PHC3: variants seen among roughly 807,000 people sequenced by gnomAD.
The protein encoded by PHC3 is polyhomeotic-like protein 3.
Under a neutral mutation model 107.4 loss-of-function variants are expected in PHC3, and 13 were observed. The ratio of observed to expected loss-of-function variants is 0.12; its 90% CI spans 0.08 to 0.19. The LOEUF (loss-of-function observed/expected upper bound fraction) is 0.19. PHC3 is among the 10% of genes least tolerant of loss of function. The pLI, the probability that PHC3 is intolerant of heterozygous loss-of-function variation, is 1.00. For missense variants in PHC3, 992 were observed against 1,210.9 expected (o/e 0.82, Z 2.68); for synonymous variants, 456 against 427.4 (o/e 1.07, Z -0.83).
chr3:170,112,487 T>G (rs1366845361), intron 11 of PHC3, among the ~76,000 whole-genome samples: 2 of 150,484 alleles, frequency 1.3e-5, no homozygotes, highest in African/African-American at 4.9e-5. Context: ...CCTCCCAAAG[T>G]GCTGGGATTA....
intron 4 of PHC3, among the ~76,000 whole-genome samples, chr3:170,161,009 T>C (rs1032079571): frequency 9.2e-5 from 14 of 152,144 alleles, no homozygotes; most frequent in African/African-American, 2.2e-4. Context: ...AAAACAAACA[T>C]ACAAAAAGAG....
intron 4 of PHC3, among the ~76,000 whole-genome samples, chr3:170,158,503 G>A (rs1287232641): frequency 6.6e-6 from 1 of 152,022 alleles, no homozygotes; most frequent in African/African-American, 2.4e-5. Context: ...TTGGGAGGCT[G>A]AGGCAGGAGA....
intron 4 of PHC3, among the ~76,000 whole-genome samples, chr3:170,158,467 T>C (rs755356806): frequency 6.6e-6 from 1 of 151,968 alleles, no homozygotes; most frequent in South Asian, 2.1e-4. Flanking sequence ...CTGGACATAG[T>C]GGCAGGCACC....
At chr3:170,128,341 T>G in intron 8 of PHC3, 6 of 1,283,928 alleles carry the variant, frequency 4.7e-6, no homozygotes, top group Non-Finnish European at 6.0e-6. Context: ...GATAATCACC[T>G]TAAGAGAAAA....
At chr3:170,155,114 T>C (rs1164529685) in intron 4 of PHC3, among the ~76,000 whole-genome samples, 3 of 152,152 alleles carry the variant, frequency 2.0e-5, no homozygotes, top group Admixed American at 2.0e-4. Context: ...AAGAAACAAG[T>C]CTGCCAGAAA....
chr3:170,099,986 T>C (rs1715215455), intron 14 of PHC3, among the ~76,000 whole-genome samples: 1 of 152,140 alleles, frequency 6.6e-6, no homozygotes, highest in Admixed American at 6.6e-5. Flanking sequence ...AAAATAAGAA[T>C]TATTCCTGTA....
intron 14 of PHC3, among the ~76,000 whole-genome samples, chr3:170,098,885 G>A (rs1266670391): frequency 3.7e-4 from 56 of 152,158 alleles, no homozygotes; most frequent in Non-Finnish European, 8.8e-5. Flanking sequence ...TAGTTGAAAT[G>A]GGATTACTCA....
intron 9 of PHC3, 60 bp from the exon 10 acceptor site, chr3:170,117,536 A>G: frequency 6.6e-7 from 1 of 1,510,910 alleles, no homozygotes; most frequent in Non-Finnish European, 8.9e-7. Context: ...CAAGCAAATG[A>G]AAGAGAATTA....
chr3:170,122,240 A>C lies in PHC3; in HGVS notation c.1942+351T>G, dbSNP rs1201084580. 2.0e-5 allele frequency among the ~76,000 whole-genome samples: 3 copies of C among 152,186 alleles called. No individual in the cohort carries two copies. In the East Asian group the frequency reaches 5.8e-4, roughly 29 times the overall value. ...ACAGAGACTGACCCTGTCTCAAAAA[A>C]CAACCTTAAACTCAAATCTGTATTT... On this transcript the variant is annotated intron_variant, in intron 9 of 14. Transcript: ENST00000495893.
chr3:170,122,792 T>C, intron 8 of PHC3, 48 bp from the exon 9 acceptor site: 1 of 1,576,908 alleles, frequency 6.3e-7, no homozygotes, highest in Non-Finnish European at 8.6e-7. Flanking sequence ...AAACTATATT[T>C]TATCAGGTGT....
intron 7 of PHC3, among the ~76,000 whole-genome samples, chr3:170,134,118 C>T (rs1722680272): frequency 6.6e-6 from 1 of 151,546 alleles, no homozygotes; most frequent in Non-Finnish European, 1.5e-5. Flanking sequence ...TTATGCCATA[C>T]AGAGAGCAGC....
Position 170,091,444 on chromosome 3 carries a change from A to G in PHC3, c.*5786T>C, listed in dbSNP as rs1303541557. The stretch of plus-strand genomic sequence containing the variant: ...GCAGTAGAAACAAAAATATTTTTCA[A>G]AAGTATAAAGCTAGCTAGAACCTCA... On this transcript the variant is annotated 3_prime_UTR_variant, in exon 15 of 15. Coordinates refer to ENST00000495893, the MANE Select transcript of PHC3 (RefSeq NM_024947.4). 3 of 152,210 alleles carry G rather than the reference A, an allele frequency of 2.0e-5. No homozygotes were observed. The highest frequency in any genetic ancestry group is 3.8e-4 in the East Asian group (2 of 5,206). 9.4% of individuals were successfully genotyped at this position (152,210 alleles called of 1,614,324 possible).
rs1417660773 is a variant in PHC3 at position 170,097,792 on chromosome 3, CAA to C, written c.2834-410_2834-409del. 2.6e-5 allele frequency among the ~76,000 whole-genome samples: 4 copies of C among 152,080 alleles called. No homozygotes were observed. The highest frequency in any genetic ancestry group is 5.9e-5 in the Non-Finnish European group (4 of 68,010). On this transcript the variant is annotated intron_variant, in intron 14 of 14. Coordinates refer to ENST00000495893, the MANE Select transcript of PHC3 (RefSeq NM_024947.4). This position sits in a 1 kb window ranked among gnomAD's most constrained non-coding sequence, Gnocchi z 4.1. ...CCTTCACATATAGGTAAAGAGGAAACAAAAATATGTTTTGTCATTTAAATAAC... is the reference window on the plus strand; with the variant it reads ...CCTTCACATATAGGTAAAGAGGAAACAAATATGTTTTGTCATTTAAATAAC...
chr3:170,129,570 G>T lies in PHC3; in HGVS notation c.920-18C>A, dbSNP rs778692506. On this transcript the variant is annotated intron_variant, in intron 7 of 14. Transcript: ENST00000495893. ...ATATGAAGCTGTGAGAGAAAAAAATGACAATTAGTACTGATTTCAAAAATA... is the reference window on the plus strand; with the variant it reads ...ATATGAAGCTGTGAGAGAAAAAAATTACAATTAGTACTGATTTCAAAAATA... 3.1e-6 allele frequency: 5 copies of T among 1,598,718 alleles called. No individual in the cohort carries two copies. In the South Asian group the frequency reaches 5.7e-5, roughly 18 times the overall value.
chr3:170,155,686 A>T (rs1334650746), intron 4 of PHC3, among the ~76,000 whole-genome samples: 4 of 152,066 alleles, frequency 2.6e-5, no homozygotes, highest in African/African-American at 9.7e-5. Context: ...GCAGCACTGC[A>T]CTCCAACCTG....
chr3:170,119,246 G>A (rs1180462058), intron 9 of PHC3, among the ~76,000 whole-genome samples: 3 of 152,028 alleles, frequency 2.0e-5, no homozygotes, highest in Admixed American at 1.3e-4. Flanking sequence ...AGGACTGAAA[G>A]GCACTTTTCT....
At chr3:170,155,909 CTTTT>C (rs1006641672) in intron 4 of PHC3, among the ~76,000 whole-genome samples, 6 of 152,116 alleles carry the variant, frequency 3.9e-5, no homozygotes, top group Middle Eastern at 3.4e-3. Context: ...TCCGGGATTA[CTTTT>C]TTTAAAGTTT....
At chr3:170,123,813 T>C (rs1442255293) in intron 8 of PHC3, among the ~76,000 whole-genome samples, 1 of 150,884 alleles carries the variant, frequency 6.6e-6, no homozygotes, top group East Asian at 2.0e-4. Context: ...AAAAGGAAAA[T>C]GGAATCGAAG....
chr3:170,131,940 T>G (rs1347035838), intron 7 of PHC3, among the ~76,000 whole-genome samples: 1 of 152,240 alleles, frequency 6.6e-6, no homozygotes, highest in East Asian at 1.9e-4. Context: ...TCCTTTCATC[T>G]AAATTACATT....
Sources: allele counts gnomAD v4.1 joint callset (sites outside exome capture counted in the v4.1 genomes callset), GRCh38; gene constraint gnomAD v4.1.1; non-coding constraint Gnocchi (gnomAD v3.1); transcripts MANE v1.5; gene names NCBI Gene and HGNC (gene_info 2026-07-23, HGNC 2026-07-21).